Variants in RGS6 observed in about 807,000 individuals in gnomAD.
RGS6 encodes the protein regulator of G-protein signaling 6.
Under a neutral mutation model 78.5 loss-of-function variants are expected in RGS6, and 30 were observed. The observed-to-expected ratio is 0.38, with a 90% CI of 0.29 to 0.52. The LOEUF is 0.52. Ranked by LOEUF, RGS6 falls within the 20% of genes least tolerant of loss-of-function variation. The pLI, the probability that RGS6 is intolerant of heterozygous loss-of-function variation, is 0.85. For missense variants in RGS6, 495 were observed against 609.7 expected, an observed-to-expected ratio of 0.81 and a Z score of 1.98; for synonymous variants, 206 against 206.0, an observed-to-expected ratio of 1.00 and a Z score of 0.00.
intron 2 of RGS6, among the ~76,000 whole-genome samples, chr14:72,027,263 T>C (rs1218178693): frequency 2.0e-5 from 3 of 152,088 alleles, no homozygotes; most frequent in Non-Finnish European, 4.4e-5. Context: ...GTGTATAATA[T>C]ACACTTGCAC....
chr14:72,134,452 C>T (rs1013376657), intron 2 of RGS6, among the ~76,000 whole-genome samples: 1 of 152,038 alleles, frequency 6.6e-6, no homozygotes, highest in African/African-American at 2.4e-5. Flanking sequence ...CTGGTAAATT[C>T]TACAGAAACA....
chr14:72,604,101 C>T, the RGS6 span, among the ~76,000 whole-genome samples: 2 of 152,138 alleles, frequency 1.3e-5, no homozygotes, highest in African/African-American at 4.8e-5. Context: ...GCTCTTTTCT[C>T]ACAGGTTAAA....
At chr14:72,086,683 C>T (rs531418635) in intron 2 of RGS6, among the ~76,000 whole-genome samples, 2 of 152,174 alleles carry the variant, frequency 1.3e-5, no homozygotes, top group South Asian at 4.1e-4. Context: ...ACCCTGCCTC[C>T]AATAATCTAC....
At chr14:72,619,230 G>A in the RGS6 span, 8 of 1,480,296 alleles carry the variant, frequency 5.4e-6, no homozygotes, top group East Asian at 9.9e-5. Context: ...AGGAGGGCGC[G>A]TTCTGGTTTG....
chr14:72,525,970 C>T (rs1456656824), intron 15 of RGS6, among the ~76,000 whole-genome samples: 2 of 152,350 alleles, frequency 1.3e-5, no homozygotes, highest in East Asian at 3.9e-4. Flanking sequence ...ACCACACAGA[C>T]TAGTAGTTCC....
At chr14:72,200,463 T>C (rs936796214) in intron 2 of RGS6, among the ~76,000 whole-genome samples, 4 of 152,248 alleles carry the variant, frequency 2.6e-5, no homozygotes, top group African/African-American at 9.6e-5. Flanking sequence ...TTCTTGCTTC[T>C]TCCAAGGGTG....
At chr14:72,326,764 G>A (rs1032199922) in intron 2 of RGS6, among the ~76,000 whole-genome samples, 7 of 152,140 alleles carry the variant, frequency 4.6e-5, no homozygotes, top group Admixed American at 6.5e-5. Flanking sequence ...GTGCAGTGAC[G>A]TGATCTTGGT....
the RGS6 span, among the ~76,000 whole-genome samples, chr14:71,872,485 G>A: frequency 6.6e-6 from 1 of 152,106 alleles, no homozygotes; most frequent in African/African-American, 2.4e-5. Flanking sequence ...GGATACTTGG[G>A]TCTCTTGTCA....
chr14:72,169,689 T>A (rs890326063), intron 2 of RGS6, among the ~76,000 whole-genome samples: 1 of 152,208 alleles, frequency 6.6e-6, no homozygotes, highest in African/African-American at 2.4e-5. Context: ...TTTCCCAGCA[T>A]CCCTTACAGA....
chr14:72,604,734 A>G, the RGS6 span, among the ~76,000 whole-genome samples: 2 of 152,084 alleles, frequency 1.3e-5, no homozygotes, highest in Non-Finnish European at 2.9e-5. Flanking sequence ...GCCCCCAGGG[A>G]GGCTCTCTGG....
chr14:71,936,041 T>TATATATATATATATATATAC (rs1555390355), intron 1 of RGS6, among the ~76,000 whole-genome samples: 2 of 127,708 alleles, frequency 1.6e-5, no homozygotes, highest in African/African-American at 5.5e-5. Context: ...TATATATATA[T>TATATATATATATATATATAC]GTACATATAT....
rs561749390 is a variant in RGS6 at position 72,321,746 on chromosome 14, A to G, written c.85-30349A>G. On this transcript the variant is annotated intron_variant, in intron 2 of 17. Transcript: ENST00000553525. ...GGAAAAATAGAAAGACTTTAATTAT[A>G]GGAGGCTTAACAGACAAAATAGACC... 1.3e-3 allele frequency among the ~76,000 whole-genome samples: 195 copies of G among 152,178 alleles called. 2 individuals are homozygous for G. The highest frequency in any genetic ancestry group is 4.3e-3 in the African/African-American group (177 of 41,584).
At chr14:72,011,216 T>A (rs1397631177) in intron 2 of RGS6, among the ~76,000 whole-genome samples, 1 of 152,228 alleles carries the variant, frequency 6.6e-6, no homozygotes, top group Non-Finnish European at 1.5e-5. Context: ...CTCATTTATC[T>A]TCTTTCCATC....
In RGS6 at chr14:72,027,193, G is replaced by A. The variant is rs139204310; in HGVS notation, c.84+62318G>A. Among the ~76,000 whole-genome samples, 1,083 of 152,050 alleles carry A rather than the reference G, an allele frequency of 7.1e-3. 13 individuals carry two copies. The highest frequency in any genetic ancestry group is 0.025 in the African/African-American group (1,023 of 41,440). On this transcript the variant is annotated intron_variant, in intron 2 of 17. Coordinates refer to ENST00000553525, the MANE Select transcript of RGS6 (RefSeq NM_001204424.2). Reference sequence around the variant, plus strand: ...CAACGGGGAGGCAGGAAACCACCCAGGGAAGGACTATGTCCTCTGCTTTAA... The same window carrying A: ...CAACGGGGAGGCAGGAAACCACCCAAGGAAGGACTATGTCCTCTGCTTTAA...
At chr14:72,524,908 T>A (rs75864844) in intron 15 of RGS6, among the ~76,000 whole-genome samples, 4 of 152,186 alleles carry the variant, frequency 2.6e-5, no homozygotes, top group Non-Finnish European at 5.9e-5. Context: ...CCTTGCAGTT[T>A]CCCACCTCAC....
intron 2 of RGS6, among the ~76,000 whole-genome samples, chr14:72,289,472 C>T (rs987421899): frequency 2.0e-5 from 3 of 152,182 alleles, no homozygotes; most frequent in African/African-American, 7.2e-5. Flanking sequence ...ACGAAAGCCA[C>T]GCTGCTTCCT....
At chr14:72,556,696 G>A (rs1053552334) in intron 17 of RGS6, among the ~76,000 whole-genome samples, 1 of 122,346 alleles carries the variant, frequency 8.2e-6, no homozygotes, top group African/African-American at 3.2e-5. Flanking sequence ...GGGGCGGGGT[G>A]GGGGGTGCTG....
At chr14:72,018,287 T>A (rs2087538358) in intron 2 of RGS6, among the ~76,000 whole-genome samples, 1 of 152,224 alleles carries the variant, frequency 6.6e-6, no homozygotes, top group African/African-American at 2.4e-5. Flanking sequence ...ATTTTAAACA[T>A]ACGCAATTAT....
intron 8 of RGS6, among the ~76,000 whole-genome samples, chr14:72,472,577 A>G (rs1267277675): frequency 1.3e-5 from 2 of 152,234 alleles, no homozygotes; most frequent in East Asian, 3.8e-4. Context: ...TTAATACTTC[A>G]GATGAACAGC....
Sources: gnomAD v4.1 joint callset for allele counts (sites outside exome capture counted in the v4.1 genomes callset) on GRCh38, gnomAD v4.1.1 for gene constraint, MANE v1.5 for transcripts, NCBI Gene and HGNC (gene_info 2026-07-23, HGNC 2026-07-21) for gene names.